Variants in TNS1 observed in about 807,000 individuals in gnomAD.
TNS1 encodes tensin 1.
In TNS1, 62 loss-of-function variants were observed where a neutral mutation model predicts 168.6. The ratio of observed to expected loss-of-function variants is 0.37; its 90% CI spans 0.30 to 0.45. The LOEUF (loss-of-function observed/expected upper bound fraction) is 0.45. Ranked by LOEUF, TNS1 falls within the 20% of genes least tolerant of loss-of-function variation. The pLI is 1.00. For synonymous variants in TNS1, 934 were observed against 933.2 expected (o/e 1.00, Z -0.02); for missense variants, 2,240 against 2,339.4 (o/e 0.96, Z 0.88).
chr2:217,825,993 T>C (rs1005274141), intron 22 of TNS1, among the ~76,000 whole-genome samples: 3 of 152,152 alleles, frequency 2.0e-5, no homozygotes, highest in African/African-American at 4.8e-5. Flanking sequence ...AAACAGCCCT[T>C]GTGCATTGGG....
At chr2:218,017,342 T>G (rs897041256) in intron 1 of TNS1, among the ~76,000 whole-genome samples, 5 of 152,186 alleles carry the variant, frequency 3.3e-5, no homozygotes, top group Non-Finnish European at 5.9e-5. Context: ...AGACCACAGA[T>G]GAGGAGGTAT....
intron 1 of TNS1, among the ~76,000 whole-genome samples, chr2:218,024,919 A>T (rs1958839041): frequency 6.6e-6 from 1 of 152,220 alleles, no homozygotes; most frequent in African/African-American, 2.4e-5. Flanking sequence ...TCAGCCCCCT[A>T]GTCCAAGCAG....
intron 3 of TNS1, among the ~76,000 whole-genome samples, chr2:217,972,565 C>G (rs907380530): frequency 2.0e-5 from 3 of 152,210 alleles, no homozygotes; most frequent in African/African-American, 7.2e-5. Context: ...GCAGCCTCCT[C>G]CCTCCGCCTC....
At chr2:217,839,504 G>C (rs1945643397) in intron 19 of TNS1, among the ~76,000 whole-genome samples, 1 of 151,962 alleles carries the variant, frequency 6.6e-6, no homozygotes, top group South Asian at 2.1e-4. Context: ...TCACTCCAAG[G>C]CTCCCCTAGC....
At chr2:217,859,521 G>A (rs1365547516) in intron 18 of TNS1, 1 of 865,440 alleles carries the variant, frequency 1.2e-6, no homozygotes, top group African/African-American at 1.7e-5. Flanking sequence ...GGCTCCAGGA[G>A]GGGACAGGAG....
intron 1 of TNS1, among the ~76,000 whole-genome samples, chr2:217,993,009 A>G (rs1450423251): frequency 6.6e-6 from 1 of 152,182 alleles, no homozygotes; most frequent in Non-Finnish European, 1.5e-5. Context: ...TTCTACATTT[A>G]GATATGTTTA....
At chr2:217,832,763 G>T (rs1395058392) in intron 21 of TNS1, among the ~76,000 whole-genome samples, 5 of 152,192 alleles carry the variant, frequency 3.3e-5, no homozygotes, top group Non-Finnish European at 7.3e-5. Context: ...TATCACAGGG[G>T]TCCGGATGAG....
intron 3 of TNS1, among the ~76,000 whole-genome samples, chr2:217,939,542 G>A (rs1299723361): frequency 1.3e-5 from 2 of 152,216 alleles, no homozygotes; most frequent in African/African-American, 4.8e-5. Flanking sequence ...CTTCTCTGCA[G>A]GAGAAGATGA....
At chr2:217,990,849 G>A (rs868519358) in intron 2 of TNS1, 93 bp downstream of exon 2, 9 of 373,664 alleles carry the variant, frequency 2.4e-5, no homozygotes, top group African/African-American at 1.2e-4. Flanking sequence ...CCCCAAGGAT[G>A]TGTGCACAGC....
chr2:217,811,870 C>T (rs1940978593), intron 28 of TNS1, among the ~76,000 whole-genome samples: 2 of 152,228 alleles, frequency 1.3e-5, no homozygotes, highest in South Asian at 2.1e-4. Flanking sequence ...AACAGCTCAG[C>T]ATCCCCTTAG....
chr2:217,919,032 ACACTTAGAGTCCCAAG>A (rs1268499713), intron 4 of TNS1, among the ~76,000 whole-genome samples: 1 of 152,164 alleles, frequency 6.6e-6, no homozygotes, highest in East Asian at 1.9e-4. Context: ...CAGAGCAGTG[ACACTTAGAGTCCCAAG>A]CACTTCTGTG....
In TNS1 at chr2:217,801,663, CTT is replaced by C. The variant is rs969974178; in HGVS notation, c.*2794_*2795del. On this transcript the variant is annotated 3_prime_UTR_variant, in exon 33 of 33. Transcript: ENST00000682258. ...AAAAGTGCTTGCTTTTAAAGGAAAT[CTT>C]TGGCAAGAATATACTGCAGTGCGGA... 17 of 152,242 alleles carry C rather than the reference CTT, an allele frequency of 1.1e-4. No homozygotes were observed. Among genetic ancestry groups the C allele is most frequent in the African/African-American group, 4.1e-4 (17 of 41,458 alleles). 9.4% of individuals were successfully genotyped at this position (152,242 alleles called of 1,614,324 possible).
At chr2:217,844,870 G>A (rs574269351) in intron 19 of TNS1, among the ~76,000 whole-genome samples, 43 of 152,278 alleles carry the variant, frequency 2.8e-4, no homozygotes, top group African/African-American at 1.0e-3. Flanking sequence ...TAACTCAGTT[G>A]GACTCTCCAA....
upstream of TNS1, among the ~76,000 whole-genome samples, chr2:218,011,801 G>A (rs1394102909): frequency 6.6e-6 from 1 of 152,168 alleles, no homozygotes; most frequent in Non-Finnish European, 1.5e-5. Flanking sequence ...ACCCCAGGGA[G>A]GGAGAAGGAA....
chr2:217,906,157 G>A (rs564913557), intron 6 of TNS1, among the ~76,000 whole-genome samples, 178 bp downstream of exon 6: 108 of 152,308 alleles, frequency 7.1e-4, no homozygotes, highest in African/African-American at 2.5e-3. Context: ...GATGGAGGCA[G>A]CACCAAAGGC....
chr2:217,919,037 T>C (rs3791918), intron 4 of TNS1, among the ~76,000 whole-genome samples: 31,494 of 152,088 alleles, frequency 0.21, 6,187 homozygotes, highest in African/African-American at 0.51. Context: ...CAGTGACACT[T>C]AGAGTCCCAA....
chr2:218,021,768 AGG>A (rs1368668064), intron 1 of TNS1, among the ~76,000 whole-genome samples: 1 of 152,224 alleles, frequency 6.6e-6, no homozygotes, highest in Admixed American at 6.5e-5. Context: ...GGAGACCAGG[AGG>A]GACCTGGAAG....
rs1942909039 is a variant in TNS1 at position 217,821,851 on chromosome 2, G to A, written c.3461C>T (p.Pro1154Leu). The part of the protein sequence containing the change: ...QDSEPKSFSA[P>L]ATQAYGHEIP... The stretch of plus-strand genomic sequence containing the variant: ...CTCATGGCCATAGGCCTGGGTGGCT[G>A]GAGCACTAAAGCTCTTGGGCTCAGA... Residue 1154 changes from proline (P) to leucine (L), a missense_variant, in exon 23 of 33, where the codon CCA (proline) becomes CTA (leucine). Coordinates refer to ENST00000682258, the MANE Select transcript of TNS1 (RefSeq NM_001387777.1). The A allele has an allele frequency of 6.3e-7, 1 of 1,584,918 alleles. No homozygotes were observed. The highest frequency in any genetic ancestry group is 1.2e-5 in the South Asian group (1 of 86,206).
chr2:218,009,573 A>G lies in TNS1; in HGVS notation c.96+527T>C, dbSNP rs1302685402. Reference sequence around the variant, plus strand: ...CCCAGCCCCCATCCTCTCCCTGTCCAGTTCCCTGGTCCCTCCATCCTGAAT... The same window carrying G: ...CCCAGCCCCCATCCTCTCCCTGTCCGGTTCCCTGGTCCCTCCATCCTGAAT... On this transcript the variant is annotated intron_variant, in intron 1 of 32. Coordinates refer to the TNS1 transcript ENST00000646520. Among the ~76,000 whole-genome samples the G allele has an allele frequency of 2.2e-5, 3 of 138,354 alleles. No individual in the cohort carries two copies. The East Asian group carries it at 6.3e-4, about 29-fold the overall frequency. The allele number at this position is 138,354 out of a possible 152,430, so 90.8% of individuals were successfully genotyped here.
Sources: gnomAD v4.1 joint callset for allele counts (sites outside exome capture counted in the v4.1 genomes callset) on GRCh38, gnomAD v4.1.1 for gene constraint, MANE v1.5 for transcripts, NCBI Gene and HGNC (gene_info 2026-07-23, HGNC 2026-07-21) for gene names.